Variants in DOCK8 observed in about 807,000 individuals in gnomAD.
DOCK8 encodes the protein dedicator of cytokinesis 8.
DOCK8 carries 141 observed loss-of-function variants against 245.6 expected under a neutral mutation model. The ratio of observed to expected loss-of-function variants is 0.57; its 90% CI spans 0.50 to 0.66. DOCK8 has a LOEUF of 0.66. Ranked by LOEUF, DOCK8 falls within the 30% of genes least tolerant of loss-of-function variation. The probability of loss-of-function intolerance (pLI) is 0.00; values close to 1 mark genes in which losing one functional copy is unlikely to be tolerated. For synonymous variants in DOCK8, 1,168 were observed against 970.2 expected (o/e 1.20, Z -3.79); for missense variants, 2,965 against 2,603.4 (o/e 1.14, Z -3.02).
intron 35 of DOCK8, 73 bp from the exon 36 acceptor site, chr9:429,629 T>A: frequency 1.3e-6 from 2 of 1,569,006 alleles, no homozygotes; most frequent in Non-Finnish European, 1.7e-6. Context: ...AATGGACATT[T>A]GCATATTTCA....
intron 1 of DOCK8, among the ~76,000 whole-genome samples, chr9:260,391 T>A (rs2047890011): frequency 6.6e-6 from 1 of 152,238 alleles, no homozygotes; most frequent in South Asian, 2.1e-4. Flanking sequence ...ATCAAATAAA[T>A]GGATTCTTGG....
At chr9:402,511 C>T (rs2055158675) in intron 26 of DOCK8, among the ~76,000 whole-genome samples, 1 of 152,202 alleles carries the variant, frequency 6.6e-6, no homozygotes, top group African/African-American at 2.4e-5. Context: ...ATTAGTGGCA[C>T]TCAGGCCTCA....
chr9:403,930 G>GTATATATA lies in DOCK8; in HGVS notation c.3235-987_3235-986insATATATAT, dbSNP rs1473554559. 3.6e-4 allele frequency among the ~76,000 whole-genome samples: 28 copies of GTATATATA among 76,878 alleles called. 1 individual carries two copies. The highest frequency in any genetic ancestry group is 1.4e-3 in the African/African-American group (26 of 17,970). The allele number at this position is 76,878 out of a possible 152,430, so 50.4% of individuals were successfully genotyped here. The stretch of plus-strand genomic sequence containing the variant: ...TATATATATATACATATATATATAT[G>GTATATATA]TGTATATATATATGTGTATATATAT... On this transcript the variant is annotated intron_variant, in intron 26 of 47. Coordinates refer to ENST00000432829, the MANE Select transcript of DOCK8 (RefSeq NM_203447.4).
chr9:221,438 C>T (rs1032092662), intron 1 of DOCK8, among the ~76,000 whole-genome samples: 3 of 152,088 alleles, frequency 2.0e-5, no homozygotes, highest in African/African-American at 7.2e-5. Flanking sequence ...GTCATTATTC[C>T]ATACAAAATA....
intron 14 of DOCK8, among the ~76,000 whole-genome samples, chr9:350,955 A>G (rs551249671): frequency 1.3e-5 from 2 of 152,158 alleles, no homozygotes; most frequent in Non-Finnish European, 2.9e-5. Flanking sequence ...GACAAAAATC[A>G]GTGTGTTGGA....
intron 1 of DOCK8, among the ~76,000 whole-genome samples, chr9:218,325 T>C (rs1222912142): frequency 1.3e-5 from 2 of 152,250 alleles, no homozygotes; most frequent in African/African-American, 4.8e-5. Flanking sequence ...AAAATATTAT[T>C]TGTAAAGCGT....
intron 5 of DOCK8, among the ~76,000 whole-genome samples, chr9:309,128 C>T (rs749016600): frequency 4.6e-5 from 7 of 152,102 alleles, no homozygotes; most frequent in Non-Finnish European, 8.8e-5. Flanking sequence ...TTATACCCTA[C>T]GGATAAATTC....
At chr9:383,751 C>T (rs922051839) in intron 22 of DOCK8, among the ~76,000 whole-genome samples, 1 of 134,378 alleles carries the variant, frequency 7.4e-6, no homozygotes, top group East Asian at 2.3e-4. Flanking sequence ...CCAAATTTTA[C>T]AAGCATATAA....
rs192770779 is a variant in DOCK8 at position 384,148 on chromosome 9, G to A, written c.2778+1463G>A. On this transcript the variant is annotated intron_variant, in intron 22 of 47. Transcript: ENST00000432829. ...TTCATGACCTTGACAGTTTTGAGGA[G>A]TAATGGTCAAGTATTTTGTAGATTG... Among the ~76,000 whole-genome samples, 176 of 152,298 alleles carry A rather than the reference G, an allele frequency of 1.2e-3. 1 individual carries two copies. The highest frequency in any genetic ancestry group is 4.1e-3 in the African/African-American group (172 of 41,552).
intron 3 of DOCK8, 96 bp from the exon 4 acceptor site, chr9:289,414 G>A (rs1488152053): frequency 1.0e-6 from 1 of 959,736 alleles, no homozygotes. Flanking sequence ...CACTGATAAG[G>A]ATTTAAATTC....
intron 5 of DOCK8, among the ~76,000 whole-genome samples, chr9:309,249 A>G (rs1267361788): frequency 1.3e-5 from 2 of 152,110 alleles, no homozygotes; most frequent in African/African-American, 4.8e-5. Context: ...TTTTCCTTAA[A>G]CTCTTATAAA....
At chr9:326,769 G>A (rs980512621) in intron 8 of DOCK8, among the ~76,000 whole-genome samples, 4 of 152,184 alleles carry the variant, frequency 2.6e-5, no homozygotes, top group Non-Finnish European at 4.4e-5. Flanking sequence ...TGCTGCCCCT[G>A]AAGAAGAGAA....
chr9:235,325 G>T (rs1563828828), intron 1 of DOCK8, among the ~76,000 whole-genome samples: 1 of 152,298 alleles, frequency 6.6e-6, no homozygotes, highest in Middle Eastern at 3.4e-3. Flanking sequence ...GTGCCTCCCA[G>T]TTGGGCTACT....
At position 421,773 on chromosome 9, in the gene DOCK8, C is replaced by T. The variant is rs191851606; in HGVS notation, c.4154-275C>T. ...CTTTCATACCCAATAATTCAGTAAG[C>T]CCCCAGAGTTTCACAGGAATCCTCT... On this transcript the variant is annotated intron_variant, in intron 32 of 47. Coordinates refer to ENST00000432829, the MANE Select transcript of DOCK8 (RefSeq NM_203447.4). 6.6e-5 allele frequency among the ~76,000 whole-genome samples: 10 copies of T among 152,250 alleles called. No homozygotes were observed. In the East Asian group the frequency reaches 1.7e-3, roughly 26 times the overall value.
chr9:301,999 C>G (rs2049571696), intron 4 of DOCK8, among the ~76,000 whole-genome samples: 3 of 151,762 alleles, frequency 2.0e-5, no homozygotes, highest in Admixed American at 2.0e-4. Flanking sequence ...AAAAAAAAAC[C>G]TATTCCAAAA....
rs143245025 is a variant in DOCK8, at chr9:336,542, A to C, written c.1286-40A>C. ...GTTAATAACTGCTGTGTGTTTGAAC[A>C]GAAAGGCATACTTTGGAGTGACAAT... On this transcript the variant is annotated intron_variant, in intron 11 of 47. Coordinates refer to ENST00000432829, the MANE Select transcript of DOCK8 (RefSeq NM_203447.4). 3.7e-6 allele frequency: 6 copies of C among 1,613,842 alleles called. No individual in the cohort carries two copies. The East Asian group carries it at 1.3e-4, about 36-fold the overall frequency.
chr9:237,619 C>T (rs1446663343), intron 1 of DOCK8, among the ~76,000 whole-genome samples: 1 of 152,146 alleles, frequency 6.6e-6, no homozygotes, highest in African/African-American at 2.4e-5. Context: ...TGTACCACTG[C>T]ACTCCAGTCT....
intron 1 of DOCK8, among the ~76,000 whole-genome samples, chr9:216,290 G>T (rs2046749226): frequency 6.6e-6 from 1 of 152,114 alleles, no homozygotes; most frequent in Non-Finnish European, 1.5e-5. Context: ...AGCAATTTGG[G>T]AGGCCCAGAT....
At position 300,532 on chromosome 9, in the gene DOCK8, C is replaced by G. The variant is rs576843844; in HGVS notation, c.405-4049C>G. ...AAAAATTAAAACGTGAAAATCCATA[C>G]AAAAGATCAATGAAACCAAAAGTTT... On this transcript the variant is annotated intron_variant, in intron 4 of 47. Coordinates refer to ENST00000432829, the MANE Select transcript of DOCK8 (RefSeq NM_203447.4). Among the ~76,000 whole-genome samples, 12 of 150,994 alleles carry G rather than the reference C, an allele frequency of 7.9e-5. No homozygotes were observed. In the South Asian group the frequency reaches 2.5e-3, roughly 32 times the overall value.
Sources: gnomAD v4.1 joint callset for allele counts (sites outside exome capture counted in the v4.1 genomes callset) on GRCh38, gnomAD v4.1.1 for gene constraint, MANE v1.5 for transcripts, NCBI Gene and HGNC (gene_info 2026-07-23, HGNC 2026-07-21) for gene names.